Variants in ATP11A observed in about 807,000 individuals in gnomAD.
ATP11A encodes phospholipid-transporting ATPase IH.
ATP11A carries 81 observed loss-of-function variants against 154.4 expected under a neutral mutation model. That is an observed-to-expected ratio of 0.52 (90% confidence interval 0.44 to 0.63). The LOEUF is 0.63. ATP11A is among the 30% of genes least tolerant of loss of function. The probability of loss-of-function intolerance (pLI) is 0.00; values close to 1 mark genes in which losing one functional copy is unlikely to be tolerated. For missense variants in ATP11A, 1,316 were observed against 1,474.3 expected (o/e 0.89, Z 1.76); for synonymous variants, 623 against 585.9 (o/e 1.06, Z -0.91).
intron 1 of ATP11A, among the ~76,000 whole-genome samples, chr13:112,752,434 C>T (rs2076715524): frequency 6.6e-6 from 1 of 152,186 alleles, no homozygotes; most frequent in South Asian, 2.1e-4. Context: ...GGAGAATCCT[C>T]CCGGCGGGCG....
intron 1 of ATP11A, among the ~76,000 whole-genome samples, chr13:112,699,712 G>A (rs1404526927): frequency 6.6e-6 from 1 of 152,210 alleles, no homozygotes; most frequent in African/African-American, 2.4e-5. Context: ...CCAGCACCTT[G>A]TCTGCGTGTG....
At chr13:112,731,173 G>C (rs1890443383) in intron 1 of ATP11A, among the ~76,000 whole-genome samples, 1 of 151,388 alleles carries the variant, frequency 6.6e-6, no homozygotes, top group Admixed American at 6.6e-5. Flanking sequence ...GACCTCCAGT[G>C]ATCCACCCTC....
intron 2 of ATP11A, among the ~76,000 whole-genome samples, chr13:112,797,590 A>G (rs920978145): frequency 9.8e-5 from 15 of 152,364 alleles, no homozygotes; most frequent in Admixed American, 2.6e-4. Context: ...TTTCTTCCAG[A>G]AACCATCTAA....
At chr13:112,802,532 T>C (rs1308509938) in intron 2 of ATP11A, among the ~76,000 whole-genome samples, 1 of 112,076 alleles carries the variant, frequency 8.9e-6, no homozygotes, top group Non-Finnish European at 1.7e-5. Context: ...CAACAAATAG[T>C]GCTAGAAAAA....
chr13:112,814,868 A>G (rs1555331189), intron 5 of ATP11A, among the ~76,000 whole-genome samples: 1 of 152,204 alleles, frequency 6.6e-6, no homozygotes, highest in Non-Finnish European at 1.5e-5. Context: ...TTTTAGAATT[A>G]GCTCATTTAT....
chr13:112,733,053 G>A (rs1403261754), intron 1 of ATP11A, among the ~76,000 whole-genome samples: 1 of 152,184 alleles, frequency 6.6e-6, no homozygotes, highest in East Asian at 1.9e-4. Flanking sequence ...TTCTGTACAT[G>A]TTTTTGTTCT....
At chr13:112,777,007 G>A (rs369275070) in intron 1 of ATP11A, among the ~76,000 whole-genome samples, 11 of 152,188 alleles carry the variant, frequency 7.2e-5, no homozygotes, top group Admixed American at 2.6e-4. Flanking sequence ...GAAACGCAGC[G>A]TCTTGCCCCT....
chr13:112,873,697 T>C (rs1402241512), intron 27 of ATP11A, 21 bp downstream of exon 27: 1 of 1,564,290 alleles, frequency 6.4e-7, no homozygotes, highest in Admixed American at 1.7e-5. Context: ...GATAAGTAGC[T>C]GATAATCTGA....
chr13:112,880,129 G>C (rs961325315), intron 29 of ATP11A, among the ~76,000 whole-genome samples: 3 of 152,212 alleles, frequency 2.0e-5, no homozygotes, highest in Non-Finnish European at 4.4e-5. Flanking sequence ...TGAGCACGCT[G>C]GACTCAGGAA....
At chr13:112,768,869 C>A (rs952241241) in intron 1 of ATP11A, among the ~76,000 whole-genome samples, 3 of 152,198 alleles carry the variant, frequency 2.0e-5, no homozygotes, top group African/African-American at 7.2e-5. Context: ...TCGCCCGGTC[C>A]TCAGGGCGGA....
rs1451497063 is a variant in ATP11A, at chr13:112,690,482, G to A, written c.39+27G>A. On this transcript the variant is annotated intron_variant, in intron 1 of 29. Coordinates refer to ENST00000375645, the MANE Select transcript of ATP11A (RefSeq NM_015205.3). This position sits in a 1 kb window ranked among gnomAD's most constrained non-coding sequence, Gnocchi z 5.6. ...TGAGTGCTCCCGGCGCGGGCTGGGG[G>A]ACCCGGGGACCAGACAGACGCGGGC... The A allele has an allele frequency of 7.5e-7, 1 of 1,325,236 alleles. No homozygotes were observed. Among genetic ancestry groups the A allele is most frequent in the African/African-American group, 1.5e-5 (1 of 66,862 alleles). 82.1% of individuals were successfully genotyped at this position (1,325,236 alleles called of 1,614,324 possible).
At chr13:112,712,637 C>T (rs184021062) in intron 1 of ATP11A, among the ~76,000 whole-genome samples, 159 of 152,324 alleles carry the variant, frequency 1.0e-3, no homozygotes, top group Non-Finnish European at 1.7e-3. Context: ...CTGCGCAGAG[C>T]CCCTCTCACT....
At chr13:112,724,309 C>T (rs1349500845) in intron 1 of ATP11A, among the ~76,000 whole-genome samples, 1 of 151,820 alleles carries the variant, frequency 6.6e-6, no homozygotes, top group Non-Finnish European at 1.5e-5. Flanking sequence ...TCTCAGGGAC[C>T]ACCTACACTT....
intron 6 of ATP11A, among the ~76,000 whole-genome samples, chr13:112,818,395 C>G (rs920074574): frequency 3.3e-5 from 5 of 152,214 alleles, no homozygotes; most frequent in African/African-American, 1.2e-4. Context: ...GTGACCGTGT[C>G]CCCCTGATTT....
intron 21 of ATP11A, 55 bp downstream of exon 21, chr13:112,857,975 A>G: frequency 1.3e-6 from 2 of 1,593,722 alleles, no homozygotes; most frequent in Non-Finnish European, 1.7e-6. Flanking sequence ...CCCCTTCGCT[A>G]GACAAAGGCC....
At chr13:112,739,211 G>A (rs565486018) in intron 1 of ATP11A, among the ~76,000 whole-genome samples, 3 of 152,334 alleles carry the variant, frequency 2.0e-5, no homozygotes, top group African/African-American at 7.2e-5. Flanking sequence ...GAGAAGATTG[G>A]CAGAGAGTGG....
rs1348846820 is a variant in ATP11A at position 112,878,288 on chromosome 13, T to C, written c.3399T>C (p.Ser1133=). The change falls in exon 29 of 30, where the codon AGT becomes AGC. Residue 1133 remains serine, a synonymous_variant. Transcript: ENST00000375645. ...TTTCTCAGACTTCCAGCAGCCTGAG[T>C]TTCTGATGGAACAAGGTGATGCTCC... ...FMLSQTSSSL[S]F is the part of the protein sequence containing the mutation. The C allele has an allele frequency of 2.5e-6, 4 of 1,613,968 alleles. No individual in the cohort carries two copies. The African/African-American group carries it at 5.3e-5, about 22-fold the overall frequency.
At chr13:112,825,680 C>A in intron 11 of ATP11A, 100 bp downstream of exon 11, 4 of 1,357,138 alleles carry the variant, frequency 2.9e-6, no homozygotes, top group Non-Finnish European at 4.0e-6. Context: ...TTACTGTAGG[C>A]AAAAAGCAGC....
chr13:112,807,593 C>A lies in ATP11A; in HGVS notation c.333+1300C>A, dbSNP rs903619296. 7.2e-5 allele frequency among the ~76,000 whole-genome samples: 11 copies of A among 152,154 alleles called. No homozygotes were observed. Among genetic ancestry groups the A allele is most frequent in the African/African-American group, 2.7e-4 (11 of 41,428 alleles). ...GGCCTCACTTCATGTCGGTGGCAGG[C>A]TCTTGCAAACTTCAACTTTAAGCAA... is the stretch of plus-strand genomic sequence containing the variant. On this transcript the variant is annotated intron_variant, in intron 4 of 29. Coordinates refer to ENST00000375645, the MANE Select transcript of ATP11A (RefSeq NM_015205.3). This position sits in a 1 kb window ranked among gnomAD's most constrained non-coding sequence, Gnocchi z 4.5.
Sources: allele counts gnomAD v4.1 joint callset (sites outside exome capture counted in the v4.1 genomes callset), GRCh38; gene constraint gnomAD v4.1.1; non-coding constraint Gnocchi (gnomAD v3.1); transcripts MANE v1.5; gene names NCBI Gene and HGNC (gene_info 2026-07-23, HGNC 2026-07-21).